Variants in DIP2C observed in about 807,000 individuals in gnomAD.
DIP2C encodes DIP2 acetate--CoA ligase C (putative).
DIP2C carries 33 observed loss-of-function variants against 192.4 expected under a neutral mutation model. That is an observed-to-expected ratio of 0.17 (90% confidence interval 0.13 to 0.23). The LOEUF (loss-of-function observed/expected upper bound fraction) is 0.23, where lower values mean the gene tolerates loss of function less well. Ranked by LOEUF, DIP2C falls within the 10% of genes least tolerant of loss-of-function variation. The pLI is 1.00. For synonymous variants in DIP2C, 979 were observed against 864.1 expected (o/e 1.13, Z -2.33); for missense variants, 1,537 against 2,110.1 (o/e 0.73, Z 5.32).
chr10:679,035 C>T lies in DIP2C; in HGVS notation c.85+10459G>A, dbSNP rs1387245564. 2.7e-4 allele frequency among the ~76,000 whole-genome samples: 4 copies of T among 14,914 alleles called. 1 individual carries two copies. Among genetic ancestry groups the T allele is most frequent in the Admixed American group, 1.0e-3 (1 of 978 alleles). 9.8% of individuals were successfully genotyped at this position (14,914 alleles called of 152,430 possible). ...ATGCTCCCCGCACCTGTCCTCCCCG[C>T]GCCCATGCTCCCCACACCCGTCCTC... On this transcript the variant is annotated intron_variant, in intron 1 of 36. Transcript: ENST00000280886.
chr10:341,083 T>C, intron 29 of DIP2C, 116 bp downstream of exon 29: 1 of 1,444,054 alleles, frequency 6.9e-7, no homozygotes, highest in Non-Finnish European at 9.6e-7. Flanking sequence ...GCCCCAGGCC[T>C]CCTCTGGCAG....
chr10:335,436 T>G (rs1370442324), intron 29 of DIP2C, among the ~76,000 whole-genome samples: 1 of 152,208 alleles, frequency 6.6e-6, no homozygotes, highest in Non-Finnish European at 1.5e-5. Context: ...CAGACCCTGT[T>G]CAAGTTTCTC....
At position 507,700 on chromosome 10, in the gene DIP2C, G is replaced by A. The variant is rs74363008; in HGVS notation, c.86-21170C>T. Among the ~76,000 whole-genome samples, 114 of 152,290 alleles carry A rather than the reference G, an allele frequency of 7.5e-4. 5 individuals are homozygous for A. The East Asian group carries it at 0.02, about 27-fold the overall frequency. ...TTGAAAACGATACATATGCGCACAGGTGAGTTTGTTCCCGCACATTCCTTT... is the reference window on the plus strand; with the variant it reads ...TTGAAAACGATACATATGCGCACAGATGAGTTTGTTCCCGCACATTCCTTT... On this transcript the variant is annotated intron_variant, in intron 1 of 36. Coordinates refer to ENST00000280886, the MANE Select transcript of DIP2C (RefSeq NM_014974.3).
intron 4 of DIP2C, among the ~76,000 whole-genome samples, chr10:427,194 C>T (rs1360894747): frequency 6.6e-6 from 1 of 152,164 alleles, no homozygotes; most frequent in Non-Finnish European, 1.5e-5. Flanking sequence ...ATTTCTTGGT[C>T]TTTCCCAACC....
chr10:513,679 AC>A (rs1193291677), intron 1 of DIP2C, among the ~76,000 whole-genome samples: 1 of 151,852 alleles, frequency 6.6e-6, no homozygotes, highest in African/African-American at 2.4e-5. Context: ...AATGACCTCC[AC>A]CCCCACCCCA....
chr10:497,255 G>A (rs141183449), intron 1 of DIP2C, among the ~76,000 whole-genome samples: 2 of 152,326 alleles, frequency 1.3e-5, no homozygotes, highest in East Asian at 3.9e-4. Flanking sequence ...GAACAGGTTA[G>A]GCCATTCTTT....
chr10:608,127 CCCA>C (rs1852646177), intron 1 of DIP2C, among the ~76,000 whole-genome samples: 1 of 118,454 alleles, frequency 8.4e-6, no homozygotes, highest in Admixed American at 8.0e-5. Flanking sequence ...CACACACAGC[CCCA>C]ACACACACAC....
At chr10:620,180 C>T (rs971556028) in intron 1 of DIP2C, among the ~76,000 whole-genome samples, 3 of 152,200 alleles carry the variant, frequency 2.0e-5, no homozygotes, top group African/African-American at 4.8e-5. Flanking sequence ...CTTACAAGGC[C>T]ATTTTATTTG....
At chr10:612,301 AAAT>A (rs1253376069) in intron 1 of DIP2C, among the ~76,000 whole-genome samples, 1 of 152,010 alleles carries the variant, frequency 6.6e-6, no homozygotes, top group Non-Finnish European at 1.5e-5. Flanking sequence ...CAAAAAAAAA[AAAT>A]AAACCAATAC....
intron 1 of DIP2C, among the ~76,000 whole-genome samples, chr10:491,555 G>A (rs570453916): frequency 3.5e-4 from 53 of 152,320 alleles, no homozygotes; most frequent in African/African-American, 1.1e-3. Context: ...AGGGGCAGGA[G>A]GACCTGGGAT....
intron 1 of DIP2C, among the ~76,000 whole-genome samples, chr10:519,817 C>T (rs1205751817): frequency 6.6e-6 from 1 of 152,260 alleles, no homozygotes; most frequent in Admixed American, 6.5e-5. Context: ...GACGTGGAGA[C>T]AGATCCCAGG....
At chr10:577,677 A>G (rs1850254721) in intron 1 of DIP2C, among the ~76,000 whole-genome samples, 1 of 152,232 alleles carries the variant, frequency 6.6e-6, no homozygotes, top group Non-Finnish European at 1.5e-5. Flanking sequence ...GATCTAACTA[A>G]TACAAGGTTT....
chr10:319,101 C>T (rs182118318), intron 31 of DIP2C, among the ~76,000 whole-genome samples: 3 of 152,120 alleles, frequency 2.0e-5, no homozygotes, highest in Non-Finnish European at 4.4e-5. Context: ...TTAGTACAGA[C>T]AGGGTCTTAC....
intron 1 of DIP2C, among the ~76,000 whole-genome samples, chr10:637,389 G>T: frequency 6.6e-6 from 1 of 152,062 alleles, no homozygotes; most frequent in East Asian, 1.9e-4. Context: ...CTGGGCGGGG[G>T]CTGACAAGCA....
At chr10:523,694 C>A (rs113291528) in intron 1 of DIP2C, among the ~76,000 whole-genome samples, 1 of 135,708 alleles carries the variant, frequency 7.4e-6, no homozygotes, top group South Asian at 2.3e-4. Flanking sequence ...GACTCTGTGT[C>A]ACCCACACAC....
chr10:580,426 TAC>T (rs1170128191), intron 1 of DIP2C, among the ~76,000 whole-genome samples: 1 of 152,192 alleles, frequency 6.6e-6, no homozygotes, highest in Non-Finnish European at 1.5e-5. Flanking sequence ...TGTACACAGG[TAC>T]ATATATGGCG....
At chr10:549,232 G>A (rs1451116241) in intron 1 of DIP2C, among the ~76,000 whole-genome samples, 1 of 152,094 alleles carries the variant, frequency 6.6e-6, no homozygotes, top group Admixed American at 6.6e-5. Context: ...CTCATCCCCA[G>A]GGGCCTTTTT....
chr10:408,420 A>G (rs1441947598), intron 9 of DIP2C, among the ~76,000 whole-genome samples: 2 of 152,232 alleles, frequency 1.3e-5, no homozygotes, highest in Non-Finnish European at 2.9e-5. Flanking sequence ...GTGTTCAATA[A>G]AAAATGGGAA....
At chr10:457,207 C>G (rs946044426) in intron 3 of DIP2C, among the ~76,000 whole-genome samples, 2 of 152,168 alleles carry the variant, frequency 1.3e-5, no homozygotes, top group Non-Finnish European at 2.9e-5. Context: ...AGCTACAAGT[C>G]TATGCATCTC....
Sources: gnomAD v4.1 joint callset for allele counts (sites outside exome capture counted in the v4.1 genomes callset) on GRCh38, gnomAD v4.1.1 for gene constraint, MANE v1.5 for transcripts, NCBI Gene and HGNC (gene_info 2026-07-23, HGNC 2026-07-21) for gene names.